SPECC1L: variants seen among roughly 807,000 people sequenced by gnomAD.
SPECC1L encodes sperm antigen with calponin homology and coiled-coil domains 1 like.
In SPECC1L, 40 loss-of-function variants were observed where a neutral mutation model predicts 116.8. The observed-to-expected ratio is 0.34, with a 90% CI of 0.27 to 0.45. The LOEUF (loss-of-function observed/expected upper bound fraction) is 0.45, where lower values mean the gene tolerates loss of function less well. SPECC1L is among the 20% of genes least tolerant of loss of function. The probability of loss-of-function intolerance (pLI) is 1.00; values close to 1 mark genes in which losing one functional copy is unlikely to be tolerated. For missense variants in SPECC1L, 1,110 were observed against 1,373.6 expected, an observed-to-expected ratio of 0.81 and a Z score of 3.03; for synonymous variants, 504 against 500.6, an observed-to-expected ratio of 1.01 and a Z score of -0.09.
At chr22:24,374,077 A>G (rs1487561354) in intron 14 of SPECC1L, among the ~76,000 whole-genome samples, 2 of 152,118 alleles carry the variant, frequency 1.3e-5, no homozygotes, top group Admixed American at 6.6e-5. Flanking sequence ...ATGAGATACC[A>G]TCTCACACCA....
At chr22:24,375,726 G>A (rs1349058111) in intron 14 of SPECC1L, among the ~76,000 whole-genome samples, 3 of 152,160 alleles carry the variant, frequency 2.0e-5, no homozygotes, top group Non-Finnish European at 4.4e-5. Flanking sequence ...AGGCCAAGGC[G>A]GGTGATCAGT....
intron 9 of SPECC1L, 59 bp from the exon 10 acceptor site, chr22:24,338,327 C>G (rs2041104457): frequency 1.3e-6 from 2 of 1,541,332 alleles, no homozygotes; most frequent in Admixed American, 3.3e-5. Flanking sequence ...TAAGTGGAGA[C>G]CAGTTAAGCT....
At chr22:24,334,987 A>G (rs1423559475) in intron 9 of SPECC1L, among the ~76,000 whole-genome samples, 2 of 152,208 alleles carry the variant, frequency 1.3e-5, no homozygotes, top group East Asian at 3.8e-4. Flanking sequence ...TCCAAAAACC[A>G]AACTCTTGTC....
chr22:24,401,952 A>G lies in SPECC1L; in HGVS notation c.3088-9636A>G, dbSNP rs538061050. Among the ~76,000 whole-genome samples the G allele has an allele frequency of 5.9e-5, 9 of 152,264 alleles. No homozygotes were observed. In the South Asian group the frequency reaches 1.7e-3, roughly 28 times the overall value. ...TCAAGAGCAAAGACATGCAGGGCTT[A>G]TCTCCAGAGGCTGCCAGCTCCACCT... is the stretch of plus-strand genomic sequence containing the variant. On this transcript the variant is annotated intron_variant, in intron 14 of 16. Transcript: ENST00000314328.
intron 3 of SPECC1L, among the ~76,000 whole-genome samples, chr22:24,305,323 G>T (rs1396738011): frequency 6.6e-6 from 1 of 152,166 alleles, no homozygotes. Flanking sequence ...CCGTGCCTCT[G>T]CTTAATCATT....
At chr22:24,306,538 C>T (rs1341275200) in intron 3 of SPECC1L, among the ~76,000 whole-genome samples, 1 of 151,988 alleles carries the variant, frequency 6.6e-6, no homozygotes, top group African/African-American at 2.4e-5. Context: ...GTGTCACATA[C>T]CCAGCTAATC....
intron 7 of SPECC1L, 101 bp downstream of exon 7, chr22:24,329,020 A>G: frequency 2.2e-6 from 2 of 901,964 alleles, no homozygotes; most frequent in Middle Eastern, 2.1e-4. Flanking sequence ...TTTTGGATAC[A>G]GTGATAATAC....
intron 4 of SPECC1L, among the ~76,000 whole-genome samples, chr22:24,318,373 C>T (rs1050061136): frequency 6.6e-6 from 1 of 152,152 alleles, no homozygotes; most frequent in Non-Finnish European, 1.5e-5. Context: ...ATACGAAAAC[C>T]AGTCAGGCGT....
At chr22:24,334,607 T>C (rs1814374378) in intron 9 of SPECC1L, 34 bp downstream of exon 9, 7 of 1,611,094 alleles carry the variant, frequency 4.3e-6, no homozygotes, top group Non-Finnish European at 5.9e-6. Context: ...GCCTACTGCA[T>C]GCGGTTGTGT....
chr22:24,355,397 A>G (rs1323718098), intron 11 of SPECC1L, among the ~76,000 whole-genome samples: 1 of 151,792 alleles, frequency 6.6e-6, no homozygotes, highest in African/African-American at 2.4e-5. Context: ...AATTGTATGT[A>G]TATGTACCAA....
At chr22:24,347,825 A>G (rs1307767091) in intron 11 of SPECC1L, among the ~76,000 whole-genome samples, 1 of 152,074 alleles carries the variant, frequency 6.6e-6, no homozygotes. Flanking sequence ...ACAGGCGCAC[A>G]CCACCACGCT....
At chr22:24,347,866 G>T (rs1157403578) in intron 11 of SPECC1L, among the ~76,000 whole-genome samples, 1 of 152,130 alleles carries the variant, frequency 6.6e-6, no homozygotes, top group Non-Finnish European at 1.5e-5. Context: ...AGTAGAGACA[G>T]GGTTTCACCA....
At chr22:24,354,877 C>T (rs1427579748) in intron 11 of SPECC1L, among the ~76,000 whole-genome samples, 1 of 151,838 alleles carries the variant, frequency 6.6e-6, no homozygotes, top group Non-Finnish European at 1.5e-5. Flanking sequence ...TTGGCCATCT[C>T]ATGACCTTGT....
At chr22:24,397,994 G>C (rs994473086) in intron 14 of SPECC1L, among the ~76,000 whole-genome samples, 1 of 152,206 alleles carries the variant, frequency 6.6e-6, no homozygotes, top group Non-Finnish European at 1.5e-5. Context: ...ACATCCTGGA[G>C]ACCCTGTGAC....
chr22:24,358,319 G>A (rs1022496084), intron 11 of SPECC1L, among the ~76,000 whole-genome samples: 2 of 151,904 alleles, frequency 1.3e-5, no homozygotes, highest in African/African-American at 4.8e-5. Flanking sequence ...TGTTGCCCAG[G>A]CTGGTCTTAA....
chr22:24,383,914 A>C (rs1480456843), intron 14 of SPECC1L, among the ~76,000 whole-genome samples: 1 of 147,916 alleles, frequency 6.8e-6, no homozygotes, highest in African/African-American at 2.5e-5. Context: ...GGGCCCCCCA[A>C]AGTGCTGGGA....
chr22:24,348,625 G>A (rs1362203251), intron 11 of SPECC1L, among the ~76,000 whole-genome samples: 1 of 152,210 alleles, frequency 6.6e-6, no homozygotes, highest in East Asian at 1.9e-4. Context: ...AAGGTTTAAA[G>A]TTTTCTTAAC....
At chr22:24,404,851 C>G (rs1188582379) in intron 14 of SPECC1L, among the ~76,000 whole-genome samples, 1 of 152,214 alleles carries the variant, frequency 6.6e-6, no homozygotes, top group Non-Finnish European at 1.5e-5. Flanking sequence ...AGCCCATCCC[C>G]AGGCCCTCTG....
chr22:24,327,354 A>G (rs2040849737), intron 6 of SPECC1L, among the ~76,000 whole-genome samples: 1 of 151,822 alleles, frequency 6.6e-6, no homozygotes, highest in African/African-American at 2.4e-5. Flanking sequence ...TGGCAAAAAA[A>G]TTTTAGAAGA....
Sources: gnomAD v4.1 joint callset for allele counts (sites outside exome capture counted in the v4.1 genomes callset) on GRCh38, gnomAD v4.1.1 for gene constraint, MANE v1.5 for transcripts, NCBI Gene and HGNC (gene_info 2026-07-23, HGNC 2026-07-21) for gene names.